Variants in PLXNC1 observed in about 807,000 individuals in gnomAD.
The protein encoded by PLXNC1 is plexin C1, also known as plexin-C1.
Under a neutral mutation model 178.2 loss-of-function variants are expected in PLXNC1, and 75 were observed. The observed-to-expected ratio is 0.42, with a 90% CI of 0.35 to 0.51. The LOEUF (loss-of-function observed/expected upper bound fraction) is 0.51. PLXNC1 is among the 20% of genes least tolerant of loss of function. PLXNC1 has a pLI of 0.02. For missense variants in PLXNC1, 1,503 were observed against 1,984.4 expected, an observed-to-expected ratio of 0.76 and a Z score of 4.61; for synonymous variants, 790 against 779.9, an observed-to-expected ratio of 1.01 and a Z score of -0.22.
intron 1 of PLXNC1, among the ~76,000 whole-genome samples, chr12:94,162,301 G>A (rs988415654): frequency 6.6e-6 from 1 of 152,166 alleles, no homozygotes; most frequent in Non-Finnish European, 1.5e-5. Context: ...AAGGCCCTGA[G>A]GCAGAAAGAT....
At chr12:94,237,405 A>C (rs1964271100) in intron 9 of PLXNC1, among the ~76,000 whole-genome samples, 1 of 152,228 alleles carries the variant, frequency 6.6e-6, no homozygotes, top group South Asian at 2.1e-4. Context: ...ACAGAATATC[A>C]GACTTTTCAA....
At chr12:94,250,795 G>T (rs1205588160) in intron 14 of PLXNC1, among the ~76,000 whole-genome samples, 1 of 152,116 alleles carries the variant, frequency 6.6e-6, no homozygotes, top group Non-Finnish European at 1.5e-5. Context: ...GAGGTGGGAG[G>T]ATCGCTTGAG....
chr12:94,273,602 C>T (rs1356421712), intron 21 of PLXNC1, among the ~76,000 whole-genome samples: 1 of 152,102 alleles, frequency 6.6e-6, no homozygotes, highest in Non-Finnish European at 1.5e-5. Flanking sequence ...TCTGTACCTC[C>T]CACATTCTAC....
chr12:94,283,578 C>T (rs1412162036), intron 23 of PLXNC1, among the ~76,000 whole-genome samples: 1 of 152,182 alleles, frequency 6.6e-6, no homozygotes, highest in Non-Finnish European at 1.5e-5. Flanking sequence ...TTACTCAAAT[C>T]AGTCTCCCTG....
intron 7 of PLXNC1, among the ~76,000 whole-genome samples, chr12:94,225,004 T>C (rs1456877149): frequency 1.3e-5 from 2 of 152,168 alleles, no homozygotes; most frequent in Non-Finnish European, 1.5e-5. Context: ...AAAGTCTTAC[T>C]TGAGAAGGAC....
chr12:94,199,931 A>C (rs1963058112), intron 4 of PLXNC1, among the ~76,000 whole-genome samples: 1 of 152,144 alleles, frequency 6.6e-6, no homozygotes, highest in African/African-American at 2.4e-5. Flanking sequence ...GCTGGGACTG[A>C]CTACAGGCGC....
chr12:94,263,520 G>A (rs533393281), intron 20 of PLXNC1, among the ~76,000 whole-genome samples: 3 of 151,038 alleles, frequency 2.0e-5, no homozygotes, highest in South Asian at 2.1e-4. Context: ...CAACCCCTGC[G>A]GGAGTACACA....
chr12:94,289,191 T>C (rs1264152485), intron 23 of PLXNC1, among the ~76,000 whole-genome samples: 1 of 152,228 alleles, frequency 6.6e-6, no homozygotes, highest in African/African-American at 2.4e-5. Context: ...GTTTGGAGGA[T>C]GTGTAGCTCC....
intron 21 of PLXNC1, among the ~76,000 whole-genome samples, chr12:94,278,686 A>G (rs1363766228): frequency 1.3e-5 from 2 of 152,182 alleles, no homozygotes; most frequent in Admixed American, 6.5e-5. Context: ...CCTGTAATTA[A>G]TGCTGCATAT....
intron 5 of PLXNC1, among the ~76,000 whole-genome samples, chr12:94,216,921 A>C (rs116269058): frequency 6.6e-6 from 1 of 152,286 alleles, no homozygotes; most frequent in African/African-American, 2.4e-5. Context: ...TCAGCCTGGT[A>C]AGGAGTCCTA....
chr12:94,240,647 T>C lies in PLXNC1; in HGVS notation c.2283T>C (p.Pro761=), dbSNP rs1316980807. Residue 761 remains proline, a synonymous_variant, in exon 11 of 31, where the codon CCT becomes CCC. Transcript: ENST00000258526. ...TGCCACATTGTTCCCTTATATTTCCTGCTACCACCTGGATCAGGTACTTTC... is the reference window on the plus strand; with the variant it reads ...TGCCACATTGTTCCCTTATATTTCCCGCTACCACCTGGATCAGGTACTTTC... ...IALPHCSLIF[P]ATTWISGGQN... 2.5e-6 allele frequency: 4 copies of C among 1,612,618 alleles called. No homozygotes were observed. The highest frequency in any genetic ancestry group is 1.3e-5 in the African/African-American group (1 of 74,868).
rs753449622 is a variant in PLXNC1, at chr12:94,220,072, G to C, written c.1611G>C (p.Lys537Asn). ...FSPRHSKCMV[K>N]NVDSSRELCQ... ...CAAGACACTCAAAGTGCATGGTGAAGAATGTGGACTCTAGCAGGGAGCTCT... is the reference window on the plus strand; with the variant it reads ...CAAGACACTCAAAGTGCATGGTGAACAATGTGGACTCTAGCAGGGAGCTCT... The change falls in exon 6 of 31, where the codon AAG becomes AAC. Residue 537 changes from lysine to asparagine, a missense_variant. Physicochemically the swap from Lys to Asn is moderately conservative, Grantham distance 94 (BLOSUM62 0). Transcript: ENST00000258526. The C allele has an allele frequency of 6.2e-7, 1 of 1,614,022 alleles. No homozygotes were observed. The highest frequency in any genetic ancestry group is 1.7e-5 in the Admixed American group (1 of 60,006).
Position 94,279,480 on chromosome 12 carries a change from C to T in PLXNC1, c.3606C>T (p.Asn1202=), listed in dbSNP as rs767738406. 1.9e-5 allele frequency: 30 copies of T among 1,612,976 alleles called. No individual in the cohort carries two copies. The highest frequency in any genetic ancestry group is 1.8e-4 in the Admixed American group (11 of 59,900). ...TGTTTGTACTCTTGCAGGCATTAAA[C>T]GTCGTCTTTGAAAAAATCCCGGAAA... The part of the protein sequence containing the change: ...QVPEFSTVAL[N]VVFEKIPENE... Residue 1202 remains asparagine, a synonymous_variant, in exon 22 of 31, where the codon AAC becomes AAT. Transcript: ENST00000258526.
At chr12:94,262,352 G>T (rs1396559694) in intron 20 of PLXNC1, among the ~76,000 whole-genome samples, 1 of 152,256 alleles carries the variant, frequency 6.6e-6, no homozygotes, top group Non-Finnish European at 1.5e-5. Context: ...ACAGGCGTGT[G>T]TGGGCGTTGC....
At position 94,149,504 on chromosome 12, in the gene PLXNC1, C is replaced by A; in HGVS notation, c.533C>A (p.Ala178Glu). The A allele has an allele frequency of 6.5e-7, 1 of 1,532,666 alleles. No individual in the cohort carries two copies. 94.9% of individuals were successfully genotyped at this position (1,532,666 alleles called of 1,614,324 possible). A position where few individuals can be genotyped will look rare whatever the true frequency, so the allele number is the denominator to read the frequency against. Residue 178 changes from alanine to glutamate, a missense_variant, in exon 1 of 31, where the codon GCG becomes GAG. This residue lies in a region of PLXNC1 where 73 missense variants were observed against 125.4 expected (regional missense o/e 0.58). Coordinates refer to ENST00000258526, the MANE Select transcript of PLXNC1 (RefSeq NM_005761.3). Reference sequence around the variant, plus strand: ...GGCCGGAACAACCGCTGGTACCTGGCGGTGGCCGCCACCTACGTGCTGCCT... The same window carrying A: ...GGCCGGAACAACCGCTGGTACCTGGAGGTGGCCGCCACCTACGTGCTGCCT... ...RAGRNNRWYLAVAATYVLPEP... is the reference protein window; with the variant it reads ...RAGRNNRWYLEVAATYVLPEP...
At chr12:94,279,906 A>G (rs1473534230) in intron 22 of PLXNC1, 4 of 616,210 alleles carry the variant, frequency 6.5e-6, no homozygotes, top group Non-Finnish European at 1.2e-5. Context: ...ACGTCTGTAA[A>G]TCAGATTGAT....
intron 3 of PLXNC1, among the ~76,000 whole-genome samples, chr12:94,185,002 T>A (rs757104883): frequency 6.6e-6 from 1 of 152,234 alleles, no homozygotes; most frequent in East Asian, 1.9e-4. Flanking sequence ...CCAATACTTA[T>A]TGAACATTTA....
intron 21 of PLXNC1, among the ~76,000 whole-genome samples, chr12:94,270,535 C>T (rs988555240): frequency 1.3e-5 from 2 of 152,280 alleles, no homozygotes; most frequent in East Asian, 3.9e-4. Flanking sequence ...AAATGCCTTG[C>T]CACTATTTAC....
chr12:94,263,999 G>C (rs377143858), intron 20 of PLXNC1, among the ~76,000 whole-genome samples: 2 of 152,108 alleles, frequency 1.3e-5, no homozygotes, highest in African/African-American at 4.8e-5. Context: ...CCAGCTGGAC[G>C]TATCGCTTGT....
Sources: allele counts gnomAD v4.1 joint callset (sites outside exome capture counted in the v4.1 genomes callset), GRCh38; gene constraint gnomAD v4.1.1; regional missense constraint gnomAD v4.1.1; transcripts MANE v1.5; gene names NCBI Gene and HGNC (gene_info 2026-07-23, HGNC 2026-07-21).